The following PCDHA2 variants were observed in gnomAD, a reference collection of about 807,000 sequenced individuals.
PCDHA2 encodes protocadherin alpha-2.
In PCDHA2, 58 loss-of-function variants were observed where a neutral mutation model predicts 66.0. That is an observed-to-expected ratio of 0.88 (90% confidence interval 0.71 to 1.09). The LOEUF is 1.09. Ranked by LOEUF, PCDHA2 falls within the 50% of genes least tolerant of loss-of-function variation. The probability of loss-of-function intolerance (pLI) is 0.00; values close to 1 mark genes in which losing one functional copy is unlikely to be tolerated. For synonymous variants in PCDHA2, 634 were observed against 554.0 expected, an observed-to-expected ratio of 1.14 and a Z score of -2.03; for missense variants, 1,267 against 1,242.3, an observed-to-expected ratio of 1.02 and a Z score of -0.30.
In PCDHA2 at chr5:140,808,260, C is replaced by T. The variant is rs1412132205; in HGVS notation, c.2388+10908C>T. ...TTGGAATTCAAGTCTTTATCACTTC[C>T]AATTAGAGAGGACGCTCCACTGGGT... On this transcript the variant is annotated intron_variant, in intron 1 of 3. Coordinates refer to ENST00000526136, the MANE Select transcript of PCDHA2 (RefSeq NM_018905.3). The T allele has an allele frequency of 2.5e-6, 4 of 1,614,102 alleles. No homozygotes were observed. Among genetic ancestry groups the T allele is most frequent in the African/African-American group, 1.3e-5 (1 of 74,936 alleles).
chr5:140,967,044 A>G, intron 1 of PCDHA2: 3 of 1,612,116 alleles, frequency 1.9e-6, no homozygotes, highest in Non-Finnish European at 2.5e-6. Context: ...CTGGAGCTGG[A>G]CCTGACGAGT....
chr5:140,969,783 A>G (rs1293806015), intron 1 of PCDHA2, among the ~76,000 whole-genome samples: 1 of 152,228 alleles, frequency 6.6e-6, no homozygotes, highest in Non-Finnish European at 1.5e-5. Context: ...GGGCTATCAT[A>G]GTCACCACTA....
intron 1 of PCDHA2, chr5:140,883,245 G>C: frequency 6.2e-7 from 1 of 1,614,016 alleles, no homozygotes; most frequent in South Asian, 1.1e-5. Context: ...GTTGACAAAG[G>C]AAATATTCCA....
chr5:140,855,941 C>A, intron 1 of PCDHA2: 1 of 1,328,220 alleles, frequency 7.5e-7, no homozygotes, highest in South Asian at 1.4e-5. Flanking sequence ...TCTGAGATCT[C>A]AGCCATTTCG....
At chr5:140,836,095 G>T in intron 1 of PCDHA2, 2 of 1,613,694 alleles carry the variant, frequency 1.2e-6, no homozygotes, top group Non-Finnish European at 1.7e-6. Context: ...CCTCGGGTGG[G>T]TGGCACTGGT....
At chr5:140,862,583 A>C in intron 1 of PCDHA2, 1 of 494,044 alleles carries the variant, frequency 2.0e-6, no homozygotes, top group South Asian at 1.6e-5. Flanking sequence ...GCGTTCCAGC[A>C]GCCCGAGTAC....
intron 1 of PCDHA2, among the ~76,000 whole-genome samples, chr5:140,879,652 TAACA>T (rs2058069934): frequency 6.6e-6 from 1 of 152,226 alleles, no homozygotes; most frequent in African/African-American, 2.4e-5. Context: ...GTGGCTGCTA[TAACA>T]AACGAACACA....
chr5:140,929,245 A>G, intron 1 of PCDHA2: 1 of 1,613,774 alleles, frequency 6.2e-7, no homozygotes. Flanking sequence ...AAATCTTGCC[A>G]CTGGGGTAGG....
Position 140,978,942 on chromosome 5 carries a change from T to C in PCDHA2, c.2389-7T>C, listed in dbSNP as rs781997267. 5 of 1,614,058 alleles carry C rather than the reference T, an allele frequency of 3.1e-6. No individual in the cohort carries two copies. The African/African-American group carries it at 6.7e-5, about 22-fold the overall frequency. ...TTTAACAGAAAACTCTCTTTGTGAT[T>C]TTGCAGCCACGACAGCCCAACCCTG... is the stretch of plus-strand genomic sequence containing the variant. On this transcript the variant is annotated splice_region_variant and splice_polypyrimidine_tract_variant and intron_variant, in intron 1 of 3. Coordinates refer to ENST00000526136, the MANE Select transcript of PCDHA2 (RefSeq NM_018905.3).
At chr5:140,823,776 G>A (rs1013042375) in intron 1 of PCDHA2, 3 of 1,613,732 alleles carry the variant, frequency 1.9e-6, no homozygotes, top group Non-Finnish European at 2.5e-6. Flanking sequence ...TGCTGGTGTC[G>A]CTGGTGGAAA....
At chr5:140,838,075 ATAGTGT>A (rs1332388454) in intron 1 of PCDHA2, among the ~76,000 whole-genome samples, 13,757 of 126,792 alleles carry the variant, frequency 0.11, 706 homozygotes, top group East Asian at 0.24. Context: ...TTATATATAT[ATAGTGT>A]GTGTGTGTGT....
intron 1 of PCDHA2, chr5:140,855,929 A>T (rs914508327): frequency 1.6e-6 from 2 of 1,278,216 alleles, no homozygotes; most frequent in Non-Finnish European, 2.2e-6. Context: ...AAGTAGCGTC[A>T]TTCTGAGATC....
chr5:140,829,791 C>G, intron 1 of PCDHA2: 1 of 1,613,788 alleles, frequency 6.2e-7, no homozygotes, highest in Non-Finnish European at 8.5e-7. Context: ...GCGCTGCTGG[C>G]GCCTCGGGTG....
intron 1 of PCDHA2, among the ~76,000 whole-genome samples, chr5:140,952,912 C>A (rs1554220675): frequency 6.6e-6 from 1 of 152,042 alleles, no homozygotes; most frequent in East Asian, 1.9e-4. Flanking sequence ...GCTCATCTTA[C>A]ATGGCATGAG....
chr5:140,873,230 A>G (rs888976655), intron 1 of PCDHA2, among the ~76,000 whole-genome samples: 2 of 152,354 alleles, frequency 1.3e-5, no homozygotes, highest in Admixed American at 1.3e-4. Context: ...AGGCAACAAT[A>G]TAAAAATATA....
At chr5:140,805,140 A>G (rs782367135) in intron 1 of PCDHA2, 2 of 1,571,686 alleles carry the variant, frequency 1.3e-6, no homozygotes, top group Non-Finnish European at 1.7e-6. Context: ...CATTTTGAAG[A>G]CTTTGGAATT....
chr5:140,806,458 C>T (rs1485467672), intron 1 of PCDHA2, among the ~76,000 whole-genome samples: 2 of 152,178 alleles, frequency 1.3e-5, no homozygotes, highest in African/African-American at 2.4e-5. Context: ...TTTGCTATAA[C>T]TTCCTGCTTC....
At chr5:140,920,616 C>T (rs929240808) in intron 1 of PCDHA2, among the ~76,000 whole-genome samples, 3 of 152,128 alleles carry the variant, frequency 2.0e-5, no homozygotes, top group Admixed American at 1.3e-4. Context: ...GAGGCCGAGG[C>T]GGATGGATCA....
chr5:140,967,310 G>A (rs2096126313), intron 1 of PCDHA2: 1 of 1,611,338 alleles, frequency 6.2e-7, no homozygotes, highest in East Asian at 2.2e-5. Context: ...CGCCAACTCA[G>A]TACAGACCTA....
Sources: gnomAD v4.1 joint callset for allele counts (sites outside exome capture counted in the v4.1 genomes callset) on GRCh38, gnomAD v4.1.1 for gene constraint, MANE v1.5 for transcripts, NCBI Gene and HGNC (gene_info 2026-07-23, HGNC 2026-07-21) for gene names.